Variants in EPS8 observed in about 807,000 individuals in gnomAD.
EPS8 encodes the protein epidermal growth factor receptor kinase substrate 8.
A neutral mutation model predicts 103.8 loss-of-function variants in EPS8; 42 were observed. The ratio of observed to expected loss-of-function variants is 0.40; its 90% confidence interval spans 0.32 to 0.52. The LOEUF is 0.52. Ranked by LOEUF, EPS8 falls within the 20% of genes least tolerant of loss-of-function variation. The probability of loss-of-function intolerance (pLI) is 0.40; values close to 1 mark genes in which losing one functional copy is unlikely to be tolerated. For synonymous variants in EPS8, 344 were observed against 344.6 expected, an observed-to-expected ratio of 1.00 and a Z score of 0.02; for missense variants, 969 against 1,005.1, an observed-to-expected ratio of 0.96 and a Z score of 0.49.
rs1591834681 is a variant in EPS8 at position 15,665,785 on chromosome 12, C to T, written c.707G>A (p.Trp236Ter). 2 of 1,613,480 alleles carry T rather than the reference C, an allele frequency of 1.2e-6. No homozygotes were observed. Among genetic ancestry groups the T allele is most frequent in the Non-Finnish European group, 1.7e-6 (2 of 1,179,830 alleles). ...CCCTTGGTCGGCTGCCCATGCAGAC[C>T]AGGCTGCCACTCGACTTCTAACATC... is the stretch of plus-strand genomic sequence containing the variant. ...QVDVRSRVAA[W>*]SAWAADQGDF... The change falls in exon 8 of 21, where the codon TGG (tryptophan) becomes TAG (stop). Residue 236 changes from tryptophan to a stop codon, truncating the protein, a stop_gained. Coordinates refer to ENST00000281172, the MANE Select transcript of EPS8 (RefSeq NM_004447.6). LOFTEE classifies it high-confidence loss of function.
rs1216294304 is a variant in EPS8, at chr12:15,682,971, T to C, written c.-20A>G. 4.5e-6 allele frequency: 7 copies of C among 1,547,036 alleles called. No individual in the cohort carries two copies. Among genetic ancestry groups the C allele is most frequent in the Non-Finnish European group, 6.1e-6 (7 of 1,143,968 alleles). On this transcript the variant is annotated splice_region_variant and 5_prime_UTR_variant, in exon 2 of 21. Coordinates refer to ENST00000281172, the MANE Select transcript of EPS8 (RefSeq NM_004447.6). Reference sequence around the variant, plus strand: ...ATTCATTGTGTCTTTCACTTGTGTGTTCTAAAAAAAGAAAGACACATAGAT... The same window carrying C: ...ATTCATTGTGTCTTTCACTTGTGTGCTCTAAAAAAAGAAAGACACATAGAT...
chr12:15,742,806 T>A (rs187758539), intron 1 of EPS8, among the ~76,000 whole-genome samples: 335 of 152,302 alleles, frequency 2.2e-3, no homozygotes, highest in Non-Finnish European at 3.7e-3. Flanking sequence ...AATAATACCA[T>A]ATTGAATGGG....
chr12:15,663,183 T>G (rs1362960461), intron 8 of EPS8, among the ~76,000 whole-genome samples: 2 of 152,100 alleles, frequency 1.3e-5, no homozygotes, highest in African/African-American at 4.8e-5. Context: ...TAAGTTGAGG[T>G]TGAAATAGCT....
chr12:15,660,483 C>T (rs1362750270), intron 10 of EPS8, 131 bp downstream of exon 10: 4 of 665,958 alleles, frequency 6.0e-6, no homozygotes, highest in East Asian at 5.7e-5. Context: ...AGGCTAGTCT[C>T]GAACTCCTGA....
In EPS8 at chr12:15,733,380, C is replaced by T. The variant is rs150340662; in HGVS notation, c.-21-50408G>A. 6.6e-6 allele frequency among the ~76,000 whole-genome samples: 1 copy of T among 152,236 alleles called. No individual in the cohort carries two copies. The highest frequency in any genetic ancestry group is 1.9e-4 in the East Asian group (1 of 5,172). ...TATCGTGAGAACAGCATGGGGAAAA[C>T]CATTCCCATGATCCAATCACCTCCC... is the stretch of plus-strand genomic sequence containing the variant. On this transcript the variant is annotated intron_variant, in intron 1 of 20. Transcript: ENST00000281172. This position sits in a 1 kb window ranked among gnomAD's most constrained non-coding sequence, Gnocchi z 4.8.
rs556881868 is a variant in EPS8, at chr12:15,778,597, T to C, written c.-22+10564A>G. Among the ~76,000 whole-genome samples, 46 of 152,204 alleles carry C rather than the reference T, an allele frequency of 3.0e-4. No individual in the cohort carries two copies. The highest frequency in any genetic ancestry group is 4.7e-4 in the Non-Finnish European group (32 of 68,030). On this transcript the variant is annotated intron_variant, in intron 1 of 20. Coordinates refer to ENST00000281172, the MANE Select transcript of EPS8 (RefSeq NM_004447.6). This position sits in a 1 kb window ranked among gnomAD's most constrained non-coding sequence, Gnocchi z 4.5. ...CTAAAACAGTAAGGACAACTCAATC[T>C]GAAGATAGGGTTTCAAAAATTCACA...
chr12:15,647,787 T>C (rs945840831), intron 14 of EPS8, among the ~76,000 whole-genome samples: 9 of 151,822 alleles, frequency 5.9e-5, no homozygotes, highest in Non-Finnish European at 1.2e-4. Flanking sequence ...CTACCAAGAG[T>C]GACAGTTGAG....
At chr12:15,750,783 A>G (rs541032382) in intron 1 of EPS8, among the ~76,000 whole-genome samples, 1 of 152,326 alleles carries the variant, frequency 6.6e-6, no homozygotes, top group Admixed American at 6.5e-5. Flanking sequence ...CATGTTGACT[A>G]TCCATATAAG....
chr12:15,770,221 C>T (rs1421628799), intron 1 of EPS8, among the ~76,000 whole-genome samples: 1 of 138,282 alleles, frequency 7.2e-6, no homozygotes, highest in Non-Finnish European at 1.5e-5. Context: ...CCTAGGAGCT[C>T]GAGGCTGCAG....
rs1945772072 is a variant in EPS8 at position 15,669,401 on chromosome 12, A to G, written c.502T>C (p.Cys168Arg). Residue 168 changes from cysteine (C) to arginine (R), a missense_variant, in exon 6 of 21, where the codon TGT becomes CGT. Cys to Arg is a radical substitution (Grantham distance 180). Transcript: ENST00000281172. ...QNKPDLHLFQ[C>R]DEVKANLISE... ...CATTCTTTTACCTTAACCTCATCAC[A>G]CTGGAAGAGATGAAGATCTGGCTTG... 6.2e-7 allele frequency: 1 copy of G among 1,612,722 alleles called. No homozygotes were observed. Among genetic ancestry groups the G allele is most frequent in the African/African-American group, 1.3e-5 (1 of 74,826 alleles).
Position 15,624,148 on chromosome 12 carries a change from C to T in EPS8, c.2225+79G>A, listed in dbSNP as rs148653136. On this transcript the variant is annotated intron_variant, in intron 19 of 20. Coordinates refer to ENST00000281172, the MANE Select transcript of EPS8 (RefSeq NM_004447.6). ...TGCCCTTATGTTTTATAACAGTTAT[C>T]TGTGACATCTAACTAAGCAAATTGA... The T allele has an allele frequency of 8.7e-4, 973 of 1,114,010 alleles. 1 individual carries two copies. The highest frequency in any genetic ancestry group is 1.7e-3 in the Admixed American group (91 of 54,546). 69.0% of individuals were successfully genotyped at this position (1,114,010 alleles called of 1,614,324 possible).
intron 8 of EPS8, 88 bp from the exon 9 acceptor site, chr12:15,662,187 G>A: frequency 6.4e-7 from 1 of 1,557,138 alleles, no homozygotes; most frequent in East Asian, 2.3e-5. Context: ...AGTTAAAAAG[G>A]AGGACCATTT....
At chr12:15,646,350 A>T (rs1206979984) in intron 15 of EPS8, among the ~76,000 whole-genome samples, 1 of 152,184 alleles carries the variant, frequency 6.6e-6, no homozygotes, top group Non-Finnish European at 1.5e-5. Context: ...GTGGTAAGAG[A>T]GGCTTTTGAG....
In EPS8 at chr12:15,714,804, T is replaced by C. The variant is rs778564358; in HGVS notation, c.-21-31832A>G. On this transcript the variant is annotated intron_variant, in intron 1 of 20. Coordinates refer to ENST00000281172, the MANE Select transcript of EPS8 (RefSeq NM_004447.6). The surrounding 1 kb of genome is among the most constrained non-coding windows in gnomAD (Gnocchi z 4.1). The stretch of plus-strand genomic sequence containing the variant: ...ACTTTAAAAGTGAAAAGCATCACTA[T>C]AAATAGAATTTTTAAAATGTATTTA... Among the ~76,000 whole-genome samples the C allele has an allele frequency of 2.6e-5, 4 of 152,236 alleles. No individual in the cohort carries two copies. The highest frequency in any genetic ancestry group is 5.9e-5 in the Non-Finnish European group (4 of 68,036).
At chr12:15,729,432 AT>A (rs1265923000) in intron 1 of EPS8, among the ~76,000 whole-genome samples, 1 of 152,034 alleles carries the variant, frequency 6.6e-6, no homozygotes, top group Non-Finnish European at 1.5e-5. Context: ...ATTCTTAAAT[AT>A]TCTGTTTCAG....
rs1331061942 is a variant in EPS8, at chr12:15,780,519, C to CAA, written c.-22+8641_-22+8642insTT. 2.0e-5 allele frequency: 3 copies of CAA among 153,358 alleles called. No homozygotes were observed. Among genetic ancestry groups the CAA allele is most frequent in the African/African-American group, 7.3e-5 (3 of 41,240 alleles). 9.5% of individuals were successfully genotyped at this position (153,358 alleles called of 1,614,324 possible). A position where few individuals can be genotyped will look rare whatever the true frequency, so the allele number is the denominator to read the frequency against. On this transcript the variant is annotated intron_variant, in intron 1 of 20. Transcript: ENST00000281172. This position sits in a 1 kb window ranked among gnomAD's most constrained non-coding sequence, Gnocchi z 4.1. Reference sequence around the variant, plus strand: ...ACACACACACACACACACACACACACACACACACACAGGCATACACACTTT... The same window carrying CAA: ...ACACACACACACACACACACACACACAAACACACACACAGGCATACACACTTT...
chr12:15,721,243 A>G lies in EPS8; in HGVS notation c.-21-38271T>C, dbSNP rs1946591743. Among the ~76,000 whole-genome samples the G allele has an allele frequency of 6.6e-6, 1 of 152,224 alleles. No homozygotes were observed. The highest frequency in any genetic ancestry group is 1.5e-5 in the Non-Finnish European group (1 of 68,034). ...CAAACTTTTCCCATTCACAATCTGT[A>G]GGAAACCCACCCATGTCTGTAATAT... On this transcript the variant is annotated intron_variant, in intron 1 of 20. Transcript: ENST00000281172. This position sits in a 1 kb window ranked among gnomAD's most constrained non-coding sequence, Gnocchi z 4.4.
Position 15,640,806 on chromosome 12 carries a change from G to A in EPS8, c.1718C>T (p.Ala573Val). The change falls in exon 17 of 21, where the codon GCA becomes GTA. Residue 573 changes from alanine (A) to valine (V), a missense_variant. Ala to Val is a moderately conservative substitution (Grantham distance 64, BLOSUM62 0). Coordinates refer to ENST00000281172, the MANE Select transcript of EPS8 (RefSeq NM_004447.6). ...DRKQWWKVRN[A>V]SGDSGFVPNN... ...TGGCACAAATCCAGAGTCTCCACTT[G>A]CATTTCGAACTTTCCACCATTGCTT... 1 of 1,613,748 alleles carries A rather than the reference G, an allele frequency of 6.2e-7. No individual in the cohort carries two copies. The highest frequency in any genetic ancestry group is 8.5e-7 in the Non-Finnish European group (1 of 1,179,780).
rs1946545485 is a variant in EPS8 at position 15,717,497 on chromosome 12, G to A, written c.-21-34525C>T. Among the ~76,000 whole-genome samples, 1 of 152,102 alleles carries A rather than the reference G, an allele frequency of 6.6e-6. No homozygotes were observed. The highest frequency in any genetic ancestry group is 1.5e-5 in the Non-Finnish European group (1 of 68,032). The stretch of plus-strand genomic sequence containing the variant: ...AGCTACTTGGGAGGCTGAGGCAGCA[G>A]AATTGCTTAAGCCCCGGAGGCAGAG... On this transcript the variant is annotated intron_variant, in intron 1 of 20. Coordinates refer to ENST00000281172, the MANE Select transcript of EPS8 (RefSeq NM_004447.6). This position sits in a 1 kb window ranked among gnomAD's most constrained non-coding sequence, Gnocchi z 4.3.
Sources: allele counts gnomAD v4.1 joint callset (sites outside exome capture counted in the v4.1 genomes callset), GRCh38; gene constraint gnomAD v4.1.1; non-coding constraint Gnocchi (gnomAD v3.1); transcripts MANE v1.5; gene names NCBI Gene and HGNC (gene_info 2026-07-23, HGNC 2026-07-21).